The following CMIP variants were observed in gnomAD, a reference collection of about 807,000 sequenced individuals.
CMIP encodes the protein C-Maf-inducing protein.
Under a neutral mutation model 97.3 loss-of-function variants are expected in CMIP, and 13 were observed. That is an observed-to-expected ratio of 0.13 (90% CI 0.09 to 0.21). The LOEUF (loss-of-function observed/expected upper bound fraction) is 0.21, where lower values mean the gene tolerates loss of function less well. Ranked by LOEUF, CMIP falls within the 10% of genes least tolerant of loss-of-function variation. The pLI is 1.00. For missense variants in CMIP, 847 were observed against 1,024.9 expected, an observed-to-expected ratio of 0.83 and a Z score of 2.37; for synonymous variants, 538 against 436.3, an observed-to-expected ratio of 1.23 and a Z score of -2.91.
chr16:81,622,022 C>A (rs1476004043), intron 3 of CMIP: 1 of 152,302 alleles, frequency 6.6e-6, no homozygotes, highest in East Asian at 1.9e-4. Flanking sequence ...GTTTACTGAG[C>A]TTCTACTGTG....
intron 1 of CMIP, among the ~76,000 whole-genome samples, chr16:81,556,085 G>C (rs913177001): frequency 6.6e-6 from 1 of 152,128 alleles, no homozygotes; most frequent in Non-Finnish European, 1.5e-5. Flanking sequence ...CAGACCCAGC[G>C]GTGAGCTATT....
At chr16:81,565,813 G>A (rs2090971200) in intron 1 of CMIP, among the ~76,000 whole-genome samples, 2 of 152,182 alleles carry the variant, frequency 1.3e-5, no homozygotes, top group African/African-American at 4.8e-5. Flanking sequence ...CTCCTTCTGG[G>A]GCACGGCGCC....
intron 1 of CMIP, among the ~76,000 whole-genome samples, chr16:81,576,676 T>G (rs2091194916): frequency 6.6e-6 from 1 of 152,108 alleles, no homozygotes; most frequent in Non-Finnish European, 1.5e-5. Flanking sequence ...GCTGTGTACT[T>G]GCTGCAGAAT....
intron 1 of CMIP, among the ~76,000 whole-genome samples, chr16:81,460,089 G>A (rs549568686): frequency 3.0e-4 from 44 of 148,770 alleles, no homozygotes; most frequent in African/African-American, 1.0e-3. Context: ...GAGAGGTGAG[G>A]TTTGGCTCCC....
chr16:81,660,719 A>ATT, intron 5 of CMIP, among the ~76,000 whole-genome samples, 165 bp from the exon 6 acceptor site: 1 of 147,774 alleles, frequency 6.8e-6, no homozygotes, highest in Non-Finnish European at 1.5e-5. Context: ...TTTTTGGGGG[A>ATT]TTTTTTCTTT....
chr16:81,694,084 T>C (rs563611465), intron 13 of CMIP, among the ~76,000 whole-genome samples: 1 of 152,332 alleles, frequency 6.6e-6, no homozygotes, highest in African/African-American at 2.4e-5. Context: ...GGAGGTGCTG[T>C]GCCCCGGGTC....
intron 1 of CMIP, among the ~76,000 whole-genome samples, chr16:81,485,773 A>G (rs74812392): frequency 0.059 from 8,932 of 152,316 alleles, 323 homozygotes; most frequent in South Asian, 0.11. Context: ...TGAAATAGGT[A>G]GTCTTATTCC....
chr16:81,630,111 G>A (rs770562172), intron 3 of CMIP: 4 of 152,188 alleles, frequency 2.6e-5, no homozygotes, highest in Admixed American at 1.3e-4. Context: ...AGTTGCTTTC[G>A]TCTCTGGGCC....
chr16:81,648,351 G>A (rs1050680531), intron 3 of CMIP, among the ~76,000 whole-genome samples: 7 of 151,906 alleles, frequency 4.6e-5, no homozygotes, highest in Admixed American at 2.0e-4. Context: ...CAATCCTCTG[G>A]CAGAAGCTGC....
chr16:81,569,176 C>T (rs1215610358), intron 1 of CMIP, among the ~76,000 whole-genome samples: 1 of 152,208 alleles, frequency 6.6e-6, no homozygotes, highest in East Asian at 1.9e-4. Flanking sequence ...CTGGTTCTCT[C>T]TCCCCATCAC....
At chr16:81,450,679 G>T (rs1032154658) in intron 1 of CMIP, among the ~76,000 whole-genome samples, 2 of 152,206 alleles carry the variant, frequency 1.3e-5, no homozygotes, top group African/African-American at 4.8e-5. Context: ...TGTTTAGCAG[G>T]TCTCATAGGT....
At chr16:81,549,620 C>T (rs2090614629) in intron 1 of CMIP, among the ~76,000 whole-genome samples, 1 of 152,128 alleles carries the variant, frequency 6.6e-6, no homozygotes. Context: ...GCTGAGACCT[C>T]CTCTTTATTT....
At chr16:81,534,173 T>G (rs1179298625) in intron 1 of CMIP, among the ~76,000 whole-genome samples, 1 of 152,180 alleles carries the variant, frequency 6.6e-6, no homozygotes, top group African/African-American at 2.4e-5. Flanking sequence ...GAATGCACCC[T>G]TTTGACCACA....
chr16:81,447,593 C>G (rs561183729), intron 1 of CMIP, among the ~76,000 whole-genome samples: 1 of 152,332 alleles, frequency 6.6e-6, no homozygotes, highest in East Asian at 1.9e-4. Context: ...GTACTGGGGA[C>G]TGAGGCTTAT....
intron 1 of CMIP, among the ~76,000 whole-genome samples, chr16:81,545,801 C>A (rs1489913874): frequency 6.6e-6 from 1 of 152,190 alleles, no homozygotes; most frequent in Non-Finnish European, 1.5e-5. Context: ...CTCCCGTGGG[C>A]CCCAGGGTCT....
intron 1 of CMIP, 69 bp from the exon 2 acceptor site, chr16:81,607,498 C>T (rs1448422192): frequency 2.5e-6 from 4 of 1,581,822 alleles, no homozygotes; most frequent in Middle Eastern, 2.0e-4. Flanking sequence ...CCAAAACCGT[C>T]TGAGATGCGG....
At chr16:81,645,430 G>T (rs980739369) in intron 3 of CMIP, 2 of 1,499,940 alleles carry the variant, frequency 1.3e-6, no homozygotes, top group Admixed American at 2.0e-5. Flanking sequence ...CTGGCGCGAC[G>T]TGCTTCCAGT....
intron 1 of CMIP, among the ~76,000 whole-genome samples, chr16:81,570,729 C>T (rs527772651): frequency 2.0e-5 from 3 of 152,284 alleles, no homozygotes; most frequent in South Asian, 2.1e-4. Flanking sequence ...AAGGAGACGC[C>T]GGTGCTCTGT....
intron 1 of CMIP, among the ~76,000 whole-genome samples, chr16:81,471,348 GCA>G (rs1907530134): frequency 6.6e-6 from 1 of 152,064 alleles, no homozygotes; most frequent in Admixed American, 6.5e-5. Flanking sequence ...ATGTATAGGT[GCA>G]CACATATGTA....
Sources: allele counts gnomAD v4.1 joint callset (sites outside exome capture counted in the v4.1 genomes callset), GRCh38; gene constraint gnomAD v4.1.1; transcripts MANE v1.5; gene names NCBI Gene and HGNC (gene_info 2026-07-23, HGNC 2026-07-21).